Variants in WDR7 observed in about 807,000 individuals in gnomAD.
The protein encoded by WDR7 is WD repeat-containing protein 7.
Under a neutral mutation model 169.4 loss-of-function variants are expected in WDR7, and 46 were observed. The observed-to-expected ratio is 0.27, with a 90% CI of 0.21 to 0.35. WDR7 has a LOEUF of 0.35. Among genes scored for constraint, WDR7 ranks in the 10% least tolerant of loss-of-function variants. The pLI, the probability that WDR7 is intolerant of heterozygous loss-of-function variation, is 1.00. For synonymous variants in WDR7, 612 were observed against 666.8 expected (o/e 0.92, Z 1.27); for missense variants, 1,534 against 1,859.3 (o/e 0.83, Z 3.22).
intron 26 of WDR7, among the ~76,000 whole-genome samples, chr18:57,002,568 C>G (rs2047999294): frequency 6.6e-6 from 1 of 152,132 alleles, no homozygotes; most frequent in Non-Finnish European, 1.5e-5. Context: ...AGAAGCTATT[C>G]TATAAGCGAA....
chr18:56,677,756 A>G (rs1414111628), intron 2 of WDR7, among the ~76,000 whole-genome samples: 10 of 152,078 alleles, frequency 6.6e-5, no homozygotes, highest in Non-Finnish European at 1.0e-4. Context: ...TCTTTGGGTT[A>G]AATTTGCTTG....
At chr18:56,786,924 AAAGTAG>A in intron 19 of WDR7, among the ~76,000 whole-genome samples, 1 of 151,726 alleles carries the variant, frequency 6.6e-6, no homozygotes, top group East Asian at 2.0e-4. Flanking sequence ...TTTGCCATTA[AAAGTAG>A]TGGCAAAAAC....
chr18:56,930,142 GGATC>G (rs1298094209), intron 22 of WDR7, among the ~76,000 whole-genome samples: 1 of 152,134 alleles, frequency 6.6e-6, no homozygotes, highest in Admixed American at 6.5e-5. Context: ...TGCTTTTCTG[GGATC>G]ATCACAATTT....
chr18:56,686,620 CTCTGAGTA>C (rs1174339543), intron 6 of WDR7, among the ~76,000 whole-genome samples: 2 of 152,094 alleles, frequency 1.3e-5, no homozygotes, highest in Non-Finnish European at 2.9e-5. Flanking sequence ...AGTGATGATA[CTCTGAGTA>C]TCATCAGAAT....
At chr18:56,763,267 G>A (rs1048239811) in intron 16 of WDR7, among the ~76,000 whole-genome samples, 4 of 152,006 alleles carry the variant, frequency 2.6e-5, no homozygotes, top group African/African-American at 9.7e-5. Flanking sequence ...TCTTTATCAG[G>A]TTGAAAAAGT....
rs142408569 is a variant in WDR7, at chr18:56,924,095, A to G, written c.3700A>G (p.Lys1234Glu). Residue 1234 changes from lysine (K) to glutamate (E), a missense_variant, in exon 22 of 28, where the codon AAA (lysine) becomes GAA (glutamate). Physicochemically the swap from Lys to Glu is moderately conservative, Grantham distance 56 (BLOSUM62 1). Transcript: ENST00000254442. ...TCTCGAACTTTGTGCCGATGCCGAG[A>G]AACAACTTGCCAAGTATGTGTGGAT... ...GLLELCADAEKQLANITMGLP... is the reference protein window; with the variant it reads ...GLLELCADAEEQLANITMGLP... The G allele has an allele frequency of 1.2e-6, 2 of 1,612,182 alleles. No homozygotes were observed. Among genetic ancestry groups the G allele is most frequent in the Non-Finnish European group, 1.7e-6 (2 of 1,179,552 alleles).
Position 56,957,008 on chromosome 18 carries a change from A to T in WDR7, c.4065-5422A>T, listed in dbSNP as rs924210508. Among the ~76,000 whole-genome samples, 4 of 152,328 alleles carry T rather than the reference A, an allele frequency of 2.6e-5. No individual in the cohort carries two copies. In the East Asian group the frequency reaches 7.7e-4, roughly 29 times the overall value. Reference sequence around the variant, plus strand: ...TTGTCTACTAAAATTTAAAATGTACATATGCTTTGATGCAGCTTTGGTGAC... The same window carrying T: ...TTGTCTACTAAAATTTAAAATGTACTTATGCTTTGATGCAGCTTTGGTGAC... On this transcript the variant is annotated intron_variant, in intron 25 of 27. Transcript: ENST00000254442.
chr18:57,023,842 A>C (rs1377351759), intron 27 of WDR7, among the ~76,000 whole-genome samples: 3 of 152,200 alleles, frequency 2.0e-5, no homozygotes, highest in Non-Finnish European at 4.4e-5. Context: ...CTGATAATAA[A>C]TTAGGTAGAT....
At chr18:56,945,300 G>C (rs1331734441) in intron 25 of WDR7, among the ~76,000 whole-genome samples, 1 of 152,130 alleles carries the variant, frequency 6.6e-6, no homozygotes, top group African/African-American at 2.4e-5. Context: ...TGACTTTTCT[G>C]AACAGTCACA....
At chr18:57,023,050 A>G (rs2048312447) in intron 27 of WDR7, among the ~76,000 whole-genome samples, 3 of 152,270 alleles carry the variant, frequency 2.0e-5, no homozygotes, top group African/African-American at 7.2e-5. Context: ...GGAATTTAAC[A>G]TACAGCCCAT....
At chr18:56,936,973 A>G (rs1430316730) in intron 23 of WDR7, among the ~76,000 whole-genome samples, 4 of 152,028 alleles carry the variant, frequency 2.6e-5, no homozygotes, top group African/African-American at 9.7e-5. Flanking sequence ...CAATTTTATT[A>G]GTCTTGGAAG....
intron 20 of WDR7, among the ~76,000 whole-genome samples, chr18:56,831,709 CGTCTCACCCAGGAAACACAAGGGGTT>C (rs1244879396): frequency 2.0e-5 from 3 of 151,956 alleles, no homozygotes; most frequent in African/African-American, 7.3e-5. Context: ...GGTGAGGCGT[CGTCTCACCCAGGAAACACAAGGGGTT>C]GGGGAACTCC....
Position 56,727,684 on chromosome 18 carries a change from A to C in WDR7, c.1775-3699A>C, listed in dbSNP as rs146503180. Reference sequence around the variant, plus strand: ...GACACATGGGGATTATTACAATTCAAGGTGAGATTTGGGTGGTGACTCAGG... The same window carrying C: ...GACACATGGGGATTATTACAATTCACGGTGAGATTTGGGTGGTGACTCAGG... On this transcript the variant is annotated intron_variant, in intron 13 of 27. Coordinates refer to ENST00000254442, the MANE Select transcript of WDR7 (RefSeq NM_015285.3). 2.4e-3 allele frequency among the ~76,000 whole-genome samples: 371 copies of C among 152,302 alleles called. 1 individual carries two copies. The highest frequency in any genetic ancestry group is 8.3e-3 in the African/African-American group (344 of 41,568).
In WDR7 at chr18:56,860,212, A is replaced by G. The variant is rs138875629; in HGVS notation, c.3305-19732A>G. Among the ~76,000 whole-genome samples, 149 of 152,264 alleles carry G rather than the reference A, an allele frequency of 9.8e-4. 1 individual carries two copies. Among genetic ancestry groups the G allele is most frequent in the African/African-American group, 3.2e-3 (134 of 41,538 alleles). ...ATGTGACTGTTCTTGAGGGAACACTAAAATTAACTCGTATTCTATCTAAAT... is the reference window on the plus strand; with the variant it reads ...ATGTGACTGTTCTTGAGGGAACACTGAAATTAACTCGTATTCTATCTAAAT... On this transcript the variant is annotated intron_variant, in intron 20 of 27. Coordinates refer to ENST00000254442, the MANE Select transcript of WDR7 (RefSeq NM_015285.3).
intron 14 of WDR7, chr18:56,753,216 T>A (rs1229714141): frequency 6.6e-6 from 1 of 152,138 alleles, no homozygotes; most frequent in Admixed American, 6.5e-5. Context: ...ATAATTTTCC[T>A]AAAAAAATTT....
chr18:56,864,593 A>C (rs2045855340), intron 20 of WDR7, among the ~76,000 whole-genome samples: 1 of 151,814 alleles, frequency 6.6e-6, no homozygotes, highest in Admixed American at 6.6e-5. Flanking sequence ...AACATTACTA[A>C]ATAAAGATCA....
At chr18:56,806,511 A>T (rs1200428009) in intron 19 of WDR7, among the ~76,000 whole-genome samples, 1 of 152,132 alleles carries the variant, frequency 6.6e-6, no homozygotes, top group East Asian at 1.9e-4. Flanking sequence ...TGGGGAGGGT[A>T]GAGGTCTCCC....
At chr18:56,849,024 C>G (rs1000313244) in intron 20 of WDR7, among the ~76,000 whole-genome samples, 3 of 152,174 alleles carry the variant, frequency 2.0e-5, no homozygotes, top group African/African-American at 7.2e-5. Context: ...AGCTTCGTGG[C>G]TCTTTCCTTC....
At chr18:56,963,355 A>G (rs2047362428) in intron 26 of WDR7, among the ~76,000 whole-genome samples, 1 of 152,160 alleles carries the variant, frequency 6.6e-6, no homozygotes, top group South Asian at 2.1e-4. Context: ...ATATTATCGT[A>G]TTAGGAATTT....
Sources: gnomAD v4.1 joint callset for allele counts (sites outside exome capture counted in the v4.1 genomes callset) on GRCh38, gnomAD v4.1.1 for gene constraint, MANE v1.5 for transcripts, NCBI Gene and HGNC (gene_info 2026-07-23, HGNC 2026-07-21) for gene names.